HSP90AB1: variants seen among roughly 807,000 people sequenced by gnomAD.
The protein encoded by HSP90AB1 is heat shock protein HSP 90-beta.
A neutral mutation model predicts 67.8 loss-of-function variants in HSP90AB1; 17 were observed. The ratio of observed to expected loss-of-function variants is 0.25; its 90% confidence interval spans 0.17 to 0.38. The LOEUF (loss-of-function observed/expected upper bound fraction) is 0.38, where lower values mean the gene tolerates loss of function less well. Ranked by LOEUF, HSP90AB1 falls within the 10% of genes least tolerant of loss-of-function variation. The pLI is 1.00. For synonymous variants in HSP90AB1, 390 were observed against 312.9 expected, an observed-to-expected ratio of 1.25 and a Z score of -2.60; for missense variants, 690 against 899.9, an observed-to-expected ratio of 0.77 and a Z score of 2.98.
At chr6:44,247,552 C>T (rs989579646) in intron 1 of HSP90AB1, among the ~76,000 whole-genome samples, 1 of 152,058 alleles carries the variant, frequency 6.6e-6, no homozygotes, top group East Asian at 1.9e-4. Flanking sequence ...GGAGGGGGAC[C>T]GCAGGGTGGC....
At position 44,250,420 on chromosome 6, in the gene HSP90AB1, G is replaced by A. The variant is rs776136576; in HGVS notation, c.778G>A (p.Asp260Asn). Residue 260 changes from aspartate to asparagine, a missense_variant, in exon 6 of 12, where the codon GAC becomes AAC. By Grantham distance (23) the Asp-to-Asn change is conservative. Coordinates refer to ENST00000371646, the MANE Select transcript of HSP90AB1 (RefSeq NM_007355.4). ...IEDVGSDEED[D>N]SGKDKKKKTK... ...AGATGTGGGTTCAGATGAGGAGGAT[G>A]ACAGCGGTAAGGATAAGAAGAAGAA... is the stretch of plus-strand genomic sequence containing the variant. 3 of 1,613,858 alleles carry A rather than the reference G, an allele frequency of 1.9e-6. No individual in the cohort carries two copies. The South Asian group carries it at 3.3e-5, about 18-fold the overall frequency.
chr6:44,248,921 G>A, intron 2 of HSP90AB1, 145 bp downstream of exon 2: 1 of 765,770 alleles, frequency 1.3e-6, no homozygotes, highest in Non-Finnish European at 2.2e-6. Flanking sequence ...TTTTACTCTG[G>A]CCATCTTGAA....
intron 1 of HSP90AB1, 64 bp from the exon 2 acceptor site, chr6:44,248,566 C>T (rs911333400): frequency 2.7e-6 from 4 of 1,480,752 alleles, no homozygotes; most frequent in African/African-American, 2.8e-5. Context: ...AATGATATGA[C>T]CTTTAGGATT....
upstream of HSP90AB1, chr6:44,246,451 A>C: frequency 6.6e-6 from 1 of 152,400 alleles, no homozygotes; most frequent in Non-Finnish European, 1.5e-5. Flanking sequence ...ACAGGCCTGG[A>C]AACTGCTGGA....
chr6:44,249,986 T>C, intron 4 of HSP90AB1, 35 bp from the exon 5 acceptor site: 1 of 1,613,288 alleles, frequency 6.2e-7, no homozygotes, highest in Non-Finnish European at 8.5e-7. Flanking sequence ...CATATACTTT[T>C]TACCCTGTTA....
Position 44,251,989 on chromosome 6 carries a change from T to A in HSP90AB1, c.1463-10T>A, listed in dbSNP as rs772642424. The A allele has an allele frequency of 6.2e-7, 1 of 1,614,110 alleles. No individual in the cohort carries two copies. Among genetic ancestry groups the A allele is most frequent in the Non-Finnish European group, 8.5e-7 (1 of 1,179,962 alleles). The stretch of plus-strand genomic sequence containing the variant: ...ATTTTAGTCACTGAGTTCATTTAAT[T>A]ACCCTACAGGTGAGAGCAAAGAGCA... On this transcript the variant is annotated splice_polypyrimidine_tract_variant and intron_variant, in intron 9 of 11. Transcript: ENST00000371646.
intron 2 of HSP90AB1, 114 bp downstream of exon 2, chr6:44,248,890 C>A: frequency 4.4e-6 from 4 of 911,128 alleles, no homozygotes; most frequent in Non-Finnish European, 1.7e-6. Context: ...GGTAAACTTG[C>A]AGCTATTCCA....
chr6:44,246,647 C>T (rs148067081), upstream of HSP90AB1, among the ~76,000 whole-genome samples: 402 of 152,294 alleles, frequency 2.6e-3, 2 homozygotes, highest in African/African-American at 9.2e-3. Context: ...GTCCCTCTGT[C>T]GGGACGCGAG....
chr6:44,253,691 C>T lies in HSP90AB1; in HGVS notation c.*93C>T, dbSNP rs1289932363. On this transcript the variant is annotated 3_prime_UTR_variant, in exon 12 of 12. Coordinates refer to ENST00000371646, the MANE Select transcript of HSP90AB1 (RefSeq NM_007355.4). ...CGAGTGCCCCTGTCCCACCTGGCTCCCCCTGCTGGTGTCTAGTGTTTTTTT... is the reference window on the plus strand; with the variant it reads ...CGAGTGCCCCTGTCCCACCTGGCTCTCCCTGCTGGTGTCTAGTGTTTTTTT... 1.1e-6 allele frequency: 1 copy of T among 913,110 alleles called. No individual in the cohort carries two copies. The highest frequency in any genetic ancestry group is 1.7e-5 in the Admixed American group (1 of 59,166). 56.6% of individuals were successfully genotyped at this position (913,110 alleles called of 1,614,324 possible).
chr6:44,252,029 C>A lies in HSP90AB1; in HGVS notation c.1493C>A (p.Ala498Asp). ...AGCAAAGAGCAGGTGGCCAACTCAG[C>A]TTTTGTGGAGCGAGTGCGGAAACGG... ...GESKEQVANS[A>D]FVERVRKRGF... is the part of the protein sequence containing the mutation. The change falls in exon 10 of 12, where the codon GCT becomes GAT. Residue 498 changes from alanine (A) to aspartate (D), a missense_variant. This residue lies in a region of HSP90AB1 where 206 missense variants were observed against 221.4 expected (regional missense o/e 0.93). Transcript: ENST00000371646. 6.2e-7 allele frequency: 1 copy of A among 1,614,144 alleles called. No homozygotes were observed. The highest frequency in any genetic ancestry group is 8.5e-7 in the Non-Finnish European group (1 of 1,180,028).
At chr6:44,251,265 G>C (rs1434572503) in intron 7 of HSP90AB1, 52 bp downstream of exon 7, 1 of 1,595,602 alleles carries the variant, frequency 6.3e-7, no homozygotes, top group African/African-American at 1.3e-5. Context: ...GGAGGTTTTA[G>C]GCATTCTGCT....
intron 1 of HSP90AB1, chr6:44,247,812 TCCTC>T (rs1158693353): frequency 2.0e-5 from 3 of 152,214 alleles, no homozygotes; most frequent in Non-Finnish European, 4.4e-5. Flanking sequence ...CCTCCGCCCT[TCCTC>T]GAGAGCTGAG....
At position 44,251,775 on chromosome 6, in the gene HSP90AB1, G is replaced by C. The variant is rs1251999190; in HGVS notation, c.1353G>C (p.Leu451=). ...IHEDSTNRRR[L]SELLRYHTSQ... Reference sequence around the variant, plus strand: ...AAGACTCCACTAACCGCCGCCGCCTGTCTGAGCTGCTGCGCTATCATACCT... The same window carrying C: ...AAGACTCCACTAACCGCCGCCGCCTCTCTGAGCTGCTGCGCTATCATACCT... Residue 451 remains leucine, a synonymous_variant, in exon 9 of 12, where the codon CTG becomes CTC. Transcript: ENST00000371646. 1.2e-6 allele frequency: 2 copies of C among 1,613,592 alleles called. No homozygotes were observed. Among genetic ancestry groups the C allele is most frequent in the South Asian group, 1.1e-5 (1 of 91,054 alleles).
chr6:44,251,339 A>G (rs1186491880), intron 7 of HSP90AB1, 79 bp from the exon 8 acceptor site: 4 of 1,531,056 alleles, frequency 2.6e-6, no homozygotes, highest in East Asian at 2.3e-5. Context: ...GGAGGCTATT[A>G]GAGCCTTCTG....
rs760905307 is a variant in HSP90AB1 at position 44,252,245 on chromosome 6, T to C, written c.1709T>C (p.Ile570Thr). 6.2e-7 allele frequency: 1 copy of C among 1,613,898 alleles called. No homozygotes were observed. Among genetic ancestry groups the C allele is most frequent in the East Asian group, 2.2e-5 (1 of 44,866 alleles). ...AACCTCTGCAAGCTCATGAAAGAAA[T>C]CTTAGATAAGAAGGTTGAGAAGGTA... Reference protein sequence around the residue: ...FENLCKLMKEILDKKVEKVTI... With the variant: ...FENLCKLMKETLDKKVEKVTI... Residue 570 changes from isoleucine (I) to threonine (T), a missense_variant, in exon 10 of 12, where the codon ATC becomes ACC. Physicochemically the swap from Ile to Thr is moderately conservative, Grantham distance 89. Transcript: ENST00000371646.
rs1561899387 is a variant in HSP90AB1 at position 44,250,434 on chromosome 6, T to C, written c.792T>C (p.Asp264=). Residue 264 remains aspartate, a synonymous_variant, in exon 6 of 12, where the codon GAT becomes GAC. Coordinates refer to ENST00000371646, the MANE Select transcript of HSP90AB1 (RefSeq NM_007355.4). ...GSDEEDDSGK[D]KKKKTKKIKE... is the part of the protein sequence containing the mutation. ...ATGAGGAGGATGACAGCGGTAAGGA[T>C]AAGAAGAAGAAAACTAAGAAGATCA... is the stretch of plus-strand genomic sequence containing the variant. The C allele has an allele frequency of 3.7e-6, 6 of 1,613,772 alleles. No individual in the cohort carries two copies. The highest frequency in any genetic ancestry group is 2.7e-5 in the African/African-American group (2 of 74,870).
intron 10 of HSP90AB1, 116 bp downstream of exon 10, chr6:44,252,383 C>G: frequency 1.1e-6 from 1 of 917,596 alleles, no homozygotes; most frequent in Non-Finnish European, 1.7e-6. Flanking sequence ...TTCATGCCTT[C>G]TTGCCTCTTG....
In HSP90AB1 at chr6:44,251,102, C is replaced by T; in HGVS notation, c.1012C>T (p.Arg338Trp). The change falls in exon 7 of 12, where the codon CGG becomes TGG. Residue 338 changes from arginine (R) to tryptophan (W), a missense_variant. Physicochemically the swap from Arg to Trp is moderately radical, Grantham distance 101 (BLOSUM62 -3). This residue lies in a region of HSP90AB1 where 101 missense variants were observed against 174.8 expected (regional missense o/e 0.58). Coordinates refer to ENST00000371646, the MANE Select transcript of HSP90AB1 (RefSeq NM_007355.4). ...CAGGGCATTGCTATTTATTCCTCGT[C>T]GGGCTCCCTTTGACCTTTTTGAGAA... The part of the protein sequence containing the change: ...EFRALLFIPR[R>W]APFDLFENKK... 1.9e-6 allele frequency: 3 copies of T among 1,614,076 alleles called. No homozygotes were observed. The highest frequency in any genetic ancestry group is 2.2e-5 in the South Asian group (2 of 91,078).
rs1780405111 is a variant in HSP90AB1 at position 44,249,676 on chromosome 6, C to G, written c.356C>G (p.Ala119Gly). 1 of 1,612,732 alleles carries G rather than the reference C, an allele frequency of 6.2e-7. No individual in the cohort carries two copies. The highest frequency in any genetic ancestry group is 8.5e-7 in the Non-Finnish European group (1 of 1,179,116). Residue 119 changes from alanine (A) to glycine (G), a missense_variant and splice_region_variant, in exon 4 of 12, where the codon GCT becomes GGT. By Grantham distance (60) the Ala-to-Gly change is moderately conservative (BLOSUM62 0). Around this residue, in one of 7 missense-constraint regions of HSP90AB1, gnomAD observed 88 missense variants for 167.7 expected, o/e 0.52. Transcript: ENST00000371646. The stretch of plus-strand genomic sequence containing the variant: ...GATTGACTTTAAACTTGTTGGCAGG[C>G]TGGTGCAGACATCTCCATGATTGGG... Reference protein sequence around the residue: ...GTKAFMEALQAGADISMIGQF... With the variant: ...GTKAFMEALQGGADISMIGQF...
Sources: gnomAD v4.1 joint callset for allele counts (sites outside exome capture counted in the v4.1 genomes callset) on GRCh38, gnomAD v4.1.1 for gene constraint, gnomAD v4.1.1 regional missense constraint, MANE v1.5 for transcripts, NCBI Gene and HGNC (gene_info 2026-07-23, HGNC 2026-07-21) for gene names.